The following RAP1GAP2 variants were observed in gnomAD, a reference collection of about 807,000 sequenced individuals.
The protein encoded by RAP1GAP2 is RAP1 GTPase activating protein 2.
A neutral mutation model predicts 95.0 loss-of-function variants in RAP1GAP2; 27 were observed. The ratio of observed to expected loss-of-function variants is 0.28; its 90% CI spans 0.21 to 0.39. The LOEUF (loss-of-function observed/expected upper bound fraction) is 0.39. Ranked by LOEUF, RAP1GAP2 falls within the 10% of genes least tolerant of loss-of-function variation. RAP1GAP2 has a pLI of 1.00. For missense variants in RAP1GAP2, 771 were observed against 970.0 expected (o/e 0.79, Z 2.72); for synonymous variants, 373 against 380.9 (o/e 0.98, Z 0.24).
At chr17:2,894,425 G>A (rs769116502) in intron 2 of RAP1GAP2, among the ~76,000 whole-genome samples, 4 of 152,100 alleles carry the variant, frequency 2.6e-5, no homozygotes, top group African/African-American at 4.8e-5. Context: ...GCGAGACTCC[G>A]TTTCAAAAAC....
chr17:2,970,273 C>CAAAAAAAAAAAA (rs869121536), intron 8 of RAP1GAP2, among the ~76,000 whole-genome samples: 2 of 109,606 alleles, frequency 1.8e-5, no homozygotes, highest in Non-Finnish European at 3.9e-5. Context: ...GACTCTGTCT[C>CAAAAAAAAAAAA]AAAAAAAAAA....
At chr17:2,856,935 G>C (rs1483211480) in intron 2 of RAP1GAP2, among the ~76,000 whole-genome samples, 1 of 152,188 alleles carries the variant, frequency 6.6e-6, no homozygotes, top group Non-Finnish European at 1.5e-5. Context: ...TCTGTATCTG[G>C]AGTTTCTTTG....
Position 2,991,398 on chromosome 17 carries a change from G to T in RAP1GAP2, c.914+1G>T. 1 of 1,593,630 alleles carries T rather than the reference G, an allele frequency of 6.3e-7. No homozygotes were observed. The highest frequency in any genetic ancestry group is 8.6e-7 in the Non-Finnish European group (1 of 1,169,210). ...CGATCACACTGCAGGATTTCAAAGG[G>T]TGGGTTTTAGCCAAGTGACGGCTCC... On this transcript the variant is annotated splice_donor_variant, in intron 12 of 24. Transcript: ENST00000254695. LOFTEE classifies it high-confidence loss of function.
At position 2,797,523 on chromosome 17, in the gene RAP1GAP2, G is replaced by A. The variant is rs1250444472; in HGVS notation, c.44+952G>A. ...CGGGGGGTGTCCCGGTGTGGAAAAT[G>A]GTGGACTAATGGGGGTGGCACGAAG... On this transcript the variant is annotated intron_variant, in intron 1 of 24. Coordinates refer to ENST00000254695, the MANE Select transcript of RAP1GAP2 (RefSeq NM_015085.5). The surrounding 1 kb of genome is among the most constrained non-coding windows in gnomAD (Gnocchi z 5.6). 6.6e-6 allele frequency among the ~76,000 whole-genome samples: 1 copy of A among 151,972 alleles called. No homozygotes were observed. The highest frequency in any genetic ancestry group is 1.9e-4 in the East Asian group (1 of 5,160).
At chr17:3,020,127 G>A (rs529320985) in intron 18 of RAP1GAP2, among the ~76,000 whole-genome samples, 13 of 152,298 alleles carry the variant, frequency 8.5e-5, no homozygotes, top group Non-Finnish European at 1.9e-4. Context: ...GGTTGAACCA[G>A]GTCCCTCCAG....
At chr17:2,873,341 G>A (rs368269763) in intron 2 of RAP1GAP2, among the ~76,000 whole-genome samples, 2 of 149,114 alleles carry the variant, frequency 1.3e-5, no homozygotes, top group Non-Finnish European at 3.0e-5. Flanking sequence ...CGGTTGGGGC[G>A]GGGCATGCCT....
Position 3,008,128 on chromosome 17 carries a change from T to C in RAP1GAP2, c.1477T>C (p.Phe493Leu), listed in dbSNP as rs376312444. ...DKFENGGHGG[F>L]LESFKRAIRV... is the part of the protein sequence containing the mutation. ...GTTTGAGAATGGAGGCCACGGGGGGTTCCTGGAGTCTTTTAAGGTATGAGC... is the reference window on the plus strand; with the variant it reads ...GTTTGAGAATGGAGGCCACGGGGGGCTCCTGGAGTCTTTTAAGGTATGAGC... Residue 493 changes from phenylalanine (F) to leucine (L), a missense_variant, in exon 17 of 25, where the codon TTC becomes CTC. Phe to Leu is a conservative substitution (Grantham distance 22). Coordinates refer to ENST00000254695, the MANE Select transcript of RAP1GAP2 (RefSeq NM_015085.5). The surrounding 1 kb of genome is among the most constrained non-coding windows in gnomAD (Gnocchi z 4.2). 1.9e-6 allele frequency: 3 copies of C among 1,612,458 alleles called. No homozygotes were observed. The African/African-American group carries it at 4.0e-5, about 22-fold the overall frequency.
chr17:2,793,967 G>A (rs1597319052), upstream of RAP1GAP2, among the ~76,000 whole-genome samples: 6 of 152,126 alleles, frequency 3.9e-5, no homozygotes, highest in South Asian at 1.0e-3. Context: ...TGGGCGTGGT[G>A]GCGGGCGCCT....
At chr17:2,905,392 G>A in intron 3 of RAP1GAP2, 24 bp downstream of exon 3, 1 of 1,608,588 alleles carries the variant, frequency 6.2e-7, no homozygotes, top group South Asian at 1.1e-5. Flanking sequence ...ATTCAGGAAG[G>A]CAGGGAGGGG....
chr17:2,921,715 A>ACGGGGCCGTTAAGGTGGCCG (rs1555569369), intron 3 of RAP1GAP2, among the ~76,000 whole-genome samples: 1 of 149,540 alleles, frequency 6.7e-6, no homozygotes, highest in Admixed American at 6.6e-5. Context: ...TTATGTGTCC[A>ACGGGGCCGTTAAGGTGGCCG]CAGGGCCGTT....
At chr17:2,960,134 A>AAC (rs1484034713) in intron 4 of RAP1GAP2, among the ~76,000 whole-genome samples, 2 of 151,354 alleles carry the variant, frequency 1.3e-5, no homozygotes, top group African/African-American at 4.9e-5. Context: ...AAAAAAAAAA[A>AAC]AAAAAAACAA....
At position 3,037,366 on chromosome 17, in the gene RAP1GAP2, C is replaced by CG. The variant is rs1363473263; in HGVS notation, c.*4005_*4006insG. The CG allele has an allele frequency of 3.5e-5, 2 of 56,386 alleles. 1 individual carries two copies. Among genetic ancestry groups the CG allele is most frequent in the Admixed American group, 3.1e-4 (2 of 6,470 alleles). 3.5% of individuals were successfully genotyped at this position (56,386 alleles called of 1,614,324 possible). ...ATTTCTGCTTGGAAGTGTGAACTAC[C>CG]CCCCCCCCCCCGCTTCCTGCTCCTT... On this transcript the variant is annotated 3_prime_UTR_variant, in exon 25 of 25. Transcript: ENST00000254695.
At chr17:2,830,396 G>A (rs928675779) in intron 2 of RAP1GAP2, among the ~76,000 whole-genome samples, 3 of 149,754 alleles carry the variant, frequency 2.0e-5, no homozygotes, top group Non-Finnish European at 3.0e-5. Context: ...CAGTCTGGGC[G>A]ACAGAGGAAA....
chr17:2,883,135 A>G lies in RAP1GAP2; in HGVS notation c.81-22149A>G, dbSNP rs550126259. The stretch of plus-strand genomic sequence containing the variant: ...GGCTACCTCCATCTTCTCTGTGTTC[A>G]AGCTCCACAGCCCCCAGGAGACCAC... On this transcript the variant is annotated intron_variant, in intron 2 of 24. Coordinates refer to ENST00000254695, the MANE Select transcript of RAP1GAP2 (RefSeq NM_015085.5). 2.0e-5 allele frequency among the ~76,000 whole-genome samples: 3 copies of G among 152,308 alleles called. No homozygotes were observed. The South Asian group carries it at 6.2e-4, about 32-fold the overall frequency.
intron 2 of RAP1GAP2, among the ~76,000 whole-genome samples, chr17:2,816,248 T>C (rs566479710): frequency 4.6e-5 from 7 of 151,590 alleles, no homozygotes; most frequent in East Asian, 1.9e-4. Context: ...TTTTTTTTTT[T>C]CTTAGGATAA....
chr17:2,826,475 G>T (rs1052632754), intron 2 of RAP1GAP2, among the ~76,000 whole-genome samples: 4 of 152,060 alleles, frequency 2.6e-5, no homozygotes, highest in African/African-American at 9.7e-5. Flanking sequence ...TGTGTTGCCG[G>T]CGAGATGACG....
At chr17:3,024,033 T>C (rs981751592) in intron 19 of RAP1GAP2, among the ~76,000 whole-genome samples, 3 of 152,196 alleles carry the variant, frequency 2.0e-5, no homozygotes, top group African/African-American at 7.2e-5. Context: ...TGAGAGGCCT[T>C]GAATAGAGAA....
At chr17:3,015,592 G>A (rs1310207802) in intron 17 of RAP1GAP2, among the ~76,000 whole-genome samples, 3 of 152,186 alleles carry the variant, frequency 2.0e-5, no homozygotes, top group African/African-American at 7.2e-5. Context: ...GCTGAGGCAG[G>A]TGGATCACGA....
chr17:3,025,977 G>T, intron 19 of RAP1GAP2, 31 bp from the exon 20 acceptor site: 1 of 1,526,792 alleles, frequency 6.5e-7, no homozygotes, highest in East Asian at 2.3e-5. Context: ...GGCTGTCTCC[G>T]CGGCCTCACT....
Sources: gnomAD v4.1 joint callset for allele counts (sites outside exome capture counted in the v4.1 genomes callset) on GRCh38, gnomAD v4.1.1 for gene constraint, Gnocchi (gnomAD v3.1) non-coding constraint, MANE v1.5 for transcripts, NCBI Gene and HGNC (gene_info 2026-07-23, HGNC 2026-07-21) for gene names.